Variants in GMDS observed in about 807,000 individuals in gnomAD.
GMDS encodes the protein GDP-mannose 4,6 dehydratase.
A neutral mutation model predicts 49.9 loss-of-function variants in GMDS; 20 were observed. The observed-to-expected ratio is 0.40, with a 90% CI of 0.28 to 0.58. GMDS has a LOEUF of 0.58. Ranked by LOEUF, GMDS falls within the 20% of genes least tolerant of loss-of-function variation. GMDS has a pLI of 0.42. For missense variants in GMDS, 362 were observed against 481.4 expected (o/e 0.75, Z 2.32); for synonymous variants, 177 against 178.6 (o/e 0.99, Z 0.07).
At chr6:1,658,289 T>C (rs540943713) in intron 9 of GMDS, among the ~76,000 whole-genome samples, 6 of 152,382 alleles carry the variant, frequency 3.9e-5, no homozygotes, top group African/African-American at 1.4e-4. Context: ...CTGAGGACCC[T>C]TCAACTTGTT....
chr6:1,672,436 A>T (rs950468913), intron 9 of GMDS, among the ~76,000 whole-genome samples: 1 of 152,214 alleles, frequency 6.6e-6, no homozygotes, highest in South Asian at 2.1e-4. Context: ...TTCCTGCAGG[A>T]GAGTGATGAT....
intron 7 of GMDS, among the ~76,000 whole-genome samples, chr6:1,803,127 T>C (rs1770015617): frequency 6.6e-6 from 1 of 152,236 alleles, no homozygotes; most frequent in Non-Finnish European, 1.5e-5. Context: ...GCAGCCGACA[T>C]AACTCATAGT....
intron 9 of GMDS, among the ~76,000 whole-genome samples, chr6:1,659,096 GT>G (rs1281913983): frequency 6.6e-6 from 1 of 152,122 alleles, no homozygotes; most frequent in Non-Finnish European, 1.5e-5. Flanking sequence ...GGCGTATGCA[GT>G]TCCTGCTATT....
At chr6:2,140,857 A>C (rs1776248372) in intron 1 of GMDS, among the ~76,000 whole-genome samples, 1 of 152,188 alleles carries the variant, frequency 6.6e-6, no homozygotes, top group Non-Finnish European at 1.5e-5. Context: ...AAAGTAGCAG[A>C]ATGCATTGCT....
chr6:1,747,431 C>T (rs1032208981), intron 7 of GMDS, among the ~76,000 whole-genome samples: 7 of 149,062 alleles, frequency 4.7e-5, no homozygotes, highest in East Asian at 2.0e-4. Context: ...TTGTGCTTTA[C>T]GTGCTACTGT....
chr6:2,148,979 A>C (rs556576410), intron 1 of GMDS, among the ~76,000 whole-genome samples: 2 of 152,344 alleles, frequency 1.3e-5, no homozygotes, highest in Admixed American at 1.3e-4. Flanking sequence ...GCAGGCTTCC[A>C]CAGCATGGTT....
At chr6:2,133,578 G>A (rs2127520526) in intron 1 of GMDS, among the ~76,000 whole-genome samples, 1 of 152,306 alleles carries the variant, frequency 6.6e-6, no homozygotes, top group East Asian at 1.9e-4. Flanking sequence ...TGATAGAAAT[G>A]TCACTTGTCA....
In GMDS at chr6:1,930,036, G is replaced by A; in HGVS notation, c.771+67C>T. On this transcript the variant is annotated intron_variant, in intron 7 of 10. Coordinates refer to ENST00000380815, the MANE Select transcript of GMDS (RefSeq NM_001500.4). Reference sequence around the variant, plus strand: ...CACCTCTAGGTCACACTTTTTCACTGTACGCTTGGCATTTAGAATATCAAT... The same window carrying A: ...CACCTCTAGGTCACACTTTTTCACTATACGCTTGGCATTTAGAATATCAAT... The A allele has an allele frequency of 2.8e-6, 4 of 1,429,928 alleles. 1 individual carries two copies. Among genetic ancestry groups the A allele is most frequent in the South Asian group, 2.5e-5 (2 of 78,452 alleles). 88.6% of individuals were successfully genotyped at this position (1,429,928 alleles called of 1,614,324 possible).
At chr6:1,812,141 T>C (rs1011628995) in intron 7 of GMDS, among the ~76,000 whole-genome samples, 8 of 152,236 alleles carry the variant, frequency 5.3e-5, no homozygotes, top group East Asian at 3.9e-4. Flanking sequence ...AAAAGGTAGA[T>C]TGGCGCAAAA....
intron 7 of GMDS, among the ~76,000 whole-genome samples, chr6:1,828,494 CA>C (rs1771223928): frequency 6.6e-6 from 1 of 152,098 alleles, no homozygotes; most frequent in South Asian, 2.1e-4. Context: ...GAGACATATT[CA>C]AATTGTCAAA....
chr6:2,205,308 T>C (rs568110268), intron 1 of GMDS, among the ~76,000 whole-genome samples: 4 of 152,326 alleles, frequency 2.6e-5, no homozygotes, highest in African/African-American at 4.8e-5. Flanking sequence ...TCACCATTAG[T>C]TGCATATAAA....
chr6:1,740,110 C>T (rs1767206375), intron 8 of GMDS, among the ~76,000 whole-genome samples: 1 of 152,004 alleles, frequency 6.6e-6, no homozygotes, highest in East Asian at 1.9e-4. Flanking sequence ...AGATGTTATG[C>T]TTACATCTTA....
At chr6:2,141,532 A>C (rs1776286573) in intron 1 of GMDS, among the ~76,000 whole-genome samples, 1 of 152,164 alleles carries the variant, frequency 6.6e-6, no homozygotes, top group African/African-American at 2.4e-5. Context: ...GTAGGTGCCC[A>C]CCTCCTGAAT....
intron 1 of GMDS, among the ~76,000 whole-genome samples, chr6:2,136,469 C>T (rs1000925521): frequency 1.3e-5 from 2 of 152,240 alleles, no homozygotes; most frequent in Non-Finnish European, 2.9e-5. Flanking sequence ...ATAATTCCAG[C>T]ACTTTGGGAA....
chr6:2,104,355 T>G (rs1008092982), intron 4 of GMDS, among the ~76,000 whole-genome samples: 8 of 152,246 alleles, frequency 5.3e-5, no homozygotes, highest in Admixed American at 4.6e-4. Context: ...ATAGTAGCTT[T>G]CTTTCTTATT....
intron 8 of GMDS, among the ~76,000 whole-genome samples, chr6:1,739,405 A>G (rs990939057): frequency 3.3e-5 from 5 of 152,220 alleles, no homozygotes; most frequent in Admixed American, 1.3e-4. Context: ...CGCGGTGAGC[A>G]TGGGCTGTCT....
intron 7 of GMDS, among the ~76,000 whole-genome samples, chr6:1,900,358 A>T (rs1014068594): frequency 2.6e-5 from 4 of 152,220 alleles, no homozygotes; most frequent in Admixed American, 2.0e-4. Context: ...GCAGGAAAAA[A>T]TTTTAAAATG....
intron 7 of GMDS, among the ~76,000 whole-genome samples, chr6:1,898,512 T>C (rs892027321): frequency 6.6e-6 from 1 of 152,148 alleles, no homozygotes; most frequent in Non-Finnish European, 1.5e-5. Flanking sequence ...AATAATAGTT[T>C]CCACCCTCCT....
At chr6:1,897,958 T>TCTTC (rs1760290529) in intron 7 of GMDS, among the ~76,000 whole-genome samples, 4 of 119,630 alleles carry the variant, frequency 3.3e-5, no homozygotes, top group African/African-American at 1.2e-4. Flanking sequence ...CTGGCCACCC[T>TCTTC]TGCCATCCTG....
Sources: allele counts gnomAD v4.1 joint callset (sites outside exome capture counted in the v4.1 genomes callset), GRCh38; gene constraint gnomAD v4.1.1; transcripts MANE v1.5; gene names NCBI Gene and HGNC (gene_info 2026-07-23, HGNC 2026-07-21).